IQANK1: variants seen among roughly 807,000 people sequenced by gnomAD.
The protein encoded by IQANK1 is IQ motif and ankyrin repeat containing 1.
In IQANK1, 30 loss-of-function variants were observed where a neutral mutation model predicts 22.6. The ratio of observed to expected loss-of-function variants is 1.33; its 90% CI spans 0.99 to 1.80. The LOEUF (loss-of-function observed/expected upper bound fraction) is 1.80, where lower values mean the gene tolerates loss of function less well. IQANK1 is among the 40% of genes most tolerant of loss of function. IQANK1 has a pLI of 0.00. For synonymous variants in IQANK1, 122 were observed against 99.6 expected, an observed-to-expected ratio of 1.23 and a Z score of -1.34; for missense variants, 275 against 235.2, an observed-to-expected ratio of 1.17 and a Z score of -1.11.
intron 3 of IQANK1, chr8:143,742,456 G>T (rs553998068): frequency 1.1e-5 from 5 of 455,922 alleles, no homozygotes; most frequent in African/African-American, 8.0e-5. Flanking sequence ...CAAAAGGGGC[G>T]AATGCGATGT....
At chr8:143,734,969 C>T (rs540613333) in intron 1 of IQANK1, among the ~76,000 whole-genome samples, 1 of 152,266 alleles carries the variant, frequency 6.6e-6, no homozygotes, top group East Asian at 1.9e-4. Context: ...GTCCAAACCA[C>T]CACCCCTCGC....
At position 143,789,781 on chromosome 8, in the gene IQANK1, C is replaced by T; in HGVS notation, c.1107C>T (p.Ala369=). The T allele has an allele frequency of 4.1e-6, 5 of 1,232,136 alleles. No individual in the cohort carries two copies. Among genetic ancestry groups the T allele is most frequent in the Non-Finnish European group, 5.1e-6 (5 of 988,094 alleles). 76.3% of individuals were successfully genotyped at this position (1,232,136 alleles called of 1,614,324 possible). The change falls in exon 11 of 14, where the codon GCC becomes GCT. Residue 369 remains alanine (A), a synonymous_variant. Coordinates refer to ENST00000527139, the MANE Select transcript of IQANK1 (RefSeq NM_001381874.1). ...TCCAGGCCATCAAGGACACAGAGGC[C>T]CAGGTGGACAGGCTGCGGCAGGAGG... ...LTLQAIKDTE[A]QVDRLRQEAQ...
rs559419816 is a variant in IQANK1, at chr8:143,774,344, C to T, written c.789+1862C>T. ...CCTAGAACATAGAAAAAACTCACAT[C>T]GCAAACAACAATGAAACATACAATC... On this transcript the variant is annotated intron_variant, in intron 7 of 13. Coordinates refer to ENST00000527139, the MANE Select transcript of IQANK1 (RefSeq NM_001381874.1). The surrounding 1 kb of genome is among the most constrained non-coding windows in gnomAD (Gnocchi z 4.2). Among the ~76,000 whole-genome samples the T allele has an allele frequency of 3.3e-5, 5 of 152,122 alleles. No homozygotes were observed. The highest frequency in any genetic ancestry group is 5.9e-5 in the Non-Finnish European group (4 of 68,016).
chr8:143,748,663 TATAA>T lies in IQANK1; in HGVS notation c.175+8719_175+8722del, dbSNP rs1819089315. Among the ~76,000 whole-genome samples, 2 of 97,364 alleles carry T rather than the reference TATAA, an allele frequency of 2.1e-5. 1 individual carries two copies. Among genetic ancestry groups the T allele is most frequent in the African/African-American group, 2.0e-4 (2 of 9,810 alleles). The allele number at this position is 97,364 out of a possible 152,430, so 63.9% of individuals were successfully genotyped here. On this transcript the variant is annotated intron_variant, in intron 3 of 13. Transcript: ENST00000527139. ...AATATATAAATATATATCAATCATATATAAATATATAAATATATATCATATATAT... is the reference window on the plus strand; with the variant it reads ...AATATATAAATATATATCAATCATATATATATAAATATATATCATATATAT...
rs1310420400 is a variant in IQANK1, at chr8:143,771,431, C to T, written c.176-57C>T. 5.1e-6 allele frequency: 2 copies of T among 395,488 alleles called. No individual in the cohort carries two copies. Among genetic ancestry groups the T allele is most frequent in the Non-Finnish European group, 8.9e-6 (2 of 224,094 alleles). The allele number at this position is 395,488 out of a possible 1,614,324, so 24.5% of individuals were successfully genotyped here. ...GCGGGGCCGGCTCCACTCCCAGGGG[C>T]GCAGCAGGCGTGGCTGGAGGCGAGA... is the stretch of plus-strand genomic sequence containing the variant. On this transcript the variant is annotated intron_variant, in intron 3 of 13. Coordinates refer to ENST00000527139, the MANE Select transcript of IQANK1 (RefSeq NM_001381874.1). This position sits in a 1 kb window ranked among gnomAD's most constrained non-coding sequence, Gnocchi z 6.0.
chr8:143,736,953 C>T (rs1284986989), intron 2 of IQANK1, among the ~76,000 whole-genome samples: 1 of 152,164 alleles, frequency 6.6e-6, no homozygotes, highest in Non-Finnish European at 1.5e-5. Flanking sequence ...CCATCCTGCT[C>T]CCCAGACTGC....
In IQANK1 at chr8:143,789,243, G is replaced by A. The variant is rs1819962626; in HGVS notation, c.993G>A (p.Glu331=). ...LTREQQQCHK[E]LQQAYCELSR... ...GGGAGCAGCAGCAGTGTCACAAGGA[G>A]GTGAGTGTGACCTCAGGGAGGAGCC... is the stretch of plus-strand genomic sequence containing the variant. The change falls in exon 9 of 14, where the codon GAG becomes GAA. Residue 331 remains glutamate, a splice_region_variant and synonymous_variant. Transcript: ENST00000527139. The A allele has an allele frequency of 1.2e-5, 5 of 400,018 alleles. No homozygotes were observed. In the Admixed American group the frequency reaches 1.3e-4, roughly 11 times the overall value. The allele number at this position is 400,018 out of a possible 1,614,324, so 24.8% of individuals were successfully genotyped here.
chr8:143,763,592 T>A (rs942648677), intron 3 of IQANK1, among the ~76,000 whole-genome samples: 9 of 152,190 alleles, frequency 5.9e-5, no homozygotes, highest in Non-Finnish European at 1.3e-4. Context: ...CGAGAGCTGG[T>A]TGGTTACACA....
intron 3 of IQANK1, among the ~76,000 whole-genome samples, chr8:143,752,433 G>T (rs373965738): frequency 6.6e-6 from 1 of 152,138 alleles, no homozygotes; most frequent in African/African-American, 2.4e-5. Context: ...ACTATAATGT[G>T]TCTCAGTGTG....
intron 3 of IQANK1, among the ~76,000 whole-genome samples, chr8:143,751,635 T>A (rs1353197373): frequency 8.7e-5 from 3 of 34,588 alleles, no homozygotes; most frequent in African/African-American, 3.1e-4. Flanking sequence ...AGTGTGTGTG[T>A]GTGTGTGTGT....
At position 143,768,566 on chromosome 8, in the gene IQANK1, G is replaced by T. The variant is rs1819520295; in HGVS notation, c.176-2922G>T. Among the ~76,000 whole-genome samples, 3 of 152,028 alleles carry T rather than the reference G, an allele frequency of 2.0e-5. No individual in the cohort carries two copies. The South Asian group carries it at 6.2e-4, about 32-fold the overall frequency. ...GCTGCACTTCTTGTGTGCCCGATGG[G>T]AATCTGCTCCTTCCCTGCCCCCTCC... On this transcript the variant is annotated intron_variant, in intron 3 of 13. Coordinates refer to ENST00000527139, the MANE Select transcript of IQANK1 (RefSeq NM_001381874.1).
At chr8:143,775,787 TACACACACACACACACAC>T (rs35665050) in intron 7 of IQANK1, among the ~76,000 whole-genome samples, 2 of 129,432 alleles carry the variant, frequency 1.5e-5, no homozygotes, top group Non-Finnish European at 3.4e-5. Context: ...ATAGCTGTAT[TACACACACACACACACAC>T]ACACACACAC....
chr8:143,781,898 T>G (rs573357795), intron 7 of IQANK1, among the ~76,000 whole-genome samples: 1 of 152,234 alleles, frequency 6.6e-6, no homozygotes, highest in Non-Finnish European at 1.5e-5. Flanking sequence ...ATCTGTAAAT[T>G]GCTTTGGGCA....
At position 143,754,633 on chromosome 8, in the gene IQANK1, A is replaced by T. The variant is rs565095466; in HGVS notation, c.175+14685A>T. ...AGGTAGCAATCTTATTTTTATTATT[A>T]TTTTTTTTTTGAGATGGAGTCTCTC... On this transcript the variant is annotated intron_variant, in intron 3 of 13. Coordinates refer to ENST00000527139, the MANE Select transcript of IQANK1 (RefSeq NM_001381874.1). 2.9e-4 allele frequency among the ~76,000 whole-genome samples: 43 copies of T among 150,600 alleles called. No homozygotes were observed. The South Asian group carries it at 7.0e-3, about 24-fold the overall frequency.
chr8:143,747,702 C>T (rs1432157484), intron 3 of IQANK1, among the ~76,000 whole-genome samples: 1 of 151,664 alleles, frequency 6.6e-6, no homozygotes. Context: ...ACTTTTACTT[C>T]TGTTATTGAT....
chr8:143,741,563 A>G (rs1468773550), intron 3 of IQANK1, among the ~76,000 whole-genome samples: 10 of 152,178 alleles, frequency 6.6e-5, no homozygotes, highest in African/African-American at 2.4e-4. Flanking sequence ...AGTCTATTTC[A>G]GGCAGAACAG....
chr8:143,778,548 C>T (rs985702703), intron 7 of IQANK1, among the ~76,000 whole-genome samples: 1 of 152,170 alleles, frequency 6.6e-6, no homozygotes, highest in Non-Finnish European at 1.5e-5. Flanking sequence ...AAGAGATCCA[C>T]AATGGTAATA....
At chr8:143,753,143 A>G (rs1217569795) in intron 3 of IQANK1, among the ~76,000 whole-genome samples, 1 of 151,496 alleles carries the variant, frequency 6.6e-6, no homozygotes, top group Non-Finnish European at 1.5e-5. Flanking sequence ...AGCTGGGACT[A>G]TAGGTGTGTG....
intron 3 of IQANK1, chr8:143,759,075 G>A: frequency 7.0e-6 from 2 of 283,774 alleles, no homozygotes; most frequent in Non-Finnish European, 7.0e-6. Flanking sequence ...CCTGCATTTG[G>A]CCGGACATGA....
Sources: gnomAD v4.1 joint callset for allele counts (sites outside exome capture counted in the v4.1 genomes callset) on GRCh38, gnomAD v4.1.1 for gene constraint, Gnocchi (gnomAD v3.1) non-coding constraint, MANE v1.5 for transcripts, NCBI Gene and HGNC (gene_info 2026-07-23, HGNC 2026-07-21) for gene names.